LEMD3: variants seen among roughly 807,000 people sequenced by gnomAD.
LEMD3 encodes the protein LEM domain containing 3, also known as inner nuclear membrane protein Man1.
A neutral mutation model predicts 95.2 loss-of-function variants in LEMD3; 33 were observed. The ratio of observed to expected loss-of-function variants is 0.35; its 90% CI spans 0.26 to 0.46. The LOEUF (loss-of-function observed/expected upper bound fraction) is 0.46, where lower values mean the gene tolerates loss of function less well. Among genes scored for constraint, LEMD3 ranks in the 20% least tolerant of loss-of-function variants. The probability of loss-of-function intolerance (pLI) is 1.00; values close to 1 mark genes in which losing one functional copy is unlikely to be tolerated. For synonymous variants in LEMD3, 525 were observed against 474.6 expected, an observed-to-expected ratio of 1.11 and a Z score of -1.38; for missense variants, 1,210 against 1,192.8, an observed-to-expected ratio of 1.01 and a Z score of -0.21.
At chr12:65,191,272 A>G (rs1869231076) in intron 1 of LEMD3, among the ~76,000 whole-genome samples, 1 of 152,164 alleles carries the variant, frequency 6.6e-6, no homozygotes, top group Non-Finnish European at 1.5e-5. Context: ...AGTAAAAATT[A>G]TCTCTGGATG....
Position 65,248,174 on chromosome 12 carries a change from C to A in LEMD3, c.*1849C>A, listed in dbSNP as rs1416165600. 19 of 152,272 alleles carry A rather than the reference C, an allele frequency of 1.2e-4. No individual in the cohort carries two copies. The Admixed American group carries it at 1.2e-3, about 10-fold the overall frequency. 9.4% of individuals were successfully genotyped at this position (152,272 alleles called of 1,614,324 possible). A position where few individuals can be genotyped will look rare whatever the true frequency, so the allele number is the denominator to read the frequency against. On this transcript the variant is annotated 3_prime_UTR_variant, in exon 13 of 13. Transcript: ENST00000308330. ...TATACTATTATGCAGCTTATTTTAC[C>A]TGAAACTGTTAAGCCGACCAAGATC... is the stretch of plus-strand genomic sequence containing the variant.
At chr12:65,193,578 C>T (rs944907964) in intron 1 of LEMD3, among the ~76,000 whole-genome samples, 1 of 152,134 alleles carries the variant, frequency 6.6e-6, no homozygotes, top group Non-Finnish European at 1.5e-5. Flanking sequence ...ACTCGCCCGA[C>T]TCCTGACATC....
chr12:65,216,662 G>T (rs944656076), intron 3 of LEMD3, among the ~76,000 whole-genome samples: 19 of 151,348 alleles, frequency 1.3e-4, no homozygotes, highest in Admixed American at 1.1e-3. Flanking sequence ...TCTGAAAGAA[G>T]AGACTTGGAT....
intron 1 of LEMD3, among the ~76,000 whole-genome samples, chr12:65,186,873 AAAAC>A (rs1276898687): frequency 6.6e-6 from 1 of 152,036 alleles, no homozygotes; most frequent in Non-Finnish European, 1.5e-5. Flanking sequence ...TTTGGGGAAA[AAAAC>A]AACTTAAAGT....
At chr12:65,223,111 C>G (rs1189788672) in intron 4 of LEMD3, among the ~76,000 whole-genome samples, 1 of 151,874 alleles carries the variant, frequency 6.6e-6, no homozygotes, top group Non-Finnish European at 1.5e-5. Context: ...GTATTCTACT[C>G]CTGTTGGGTG....
At chr12:65,216,598 G>A (rs1565791870) in intron 3 of LEMD3, among the ~76,000 whole-genome samples, 3 of 151,584 alleles carry the variant, frequency 2.0e-5, no homozygotes, top group African/African-American at 7.3e-5. Context: ...GTAAACTGCA[G>A]TAGCAGCTTA....
In LEMD3 at chr12:65,198,488, A is replaced by G. The variant is rs527780450; in HGVS notation, c.1523-12438A>G. On this transcript the variant is annotated intron_variant, in intron 1 of 12. Coordinates refer to ENST00000308330, the MANE Select transcript of LEMD3 (RefSeq NM_014319.5). ...AAACTTCTAAGAGTTAGGTTGCTCA[A>G]ACTTTTCTACCTTGAGCAATATAGT... Among the ~76,000 whole-genome samples, 14 of 152,270 alleles carry G rather than the reference A, an allele frequency of 9.2e-5. No homozygotes were observed. In the South Asian group the frequency reaches 1.2e-3, roughly 14 times the overall value.
Position 65,207,788 on chromosome 12 carries a change from A to G in LEMD3, c.1523-3138A>G, listed in dbSNP as rs539310335. On this transcript the variant is annotated intron_variant, in intron 1 of 12. Transcript: ENST00000308330. ...CTTAGGACTCTTAAACTAGCAAAGCATATACTTTGAAGTTTATAAACGTAT... is the reference window on the plus strand; with the variant it reads ...CTTAGGACTCTTAAACTAGCAAAGCGTATACTTTGAAGTTTATAAACGTAT... 1.6e-4 allele frequency among the ~76,000 whole-genome samples: 24 copies of G among 152,278 alleles called. No homozygotes were observed. The South Asian group carries it at 5.0e-3, about 32-fold the overall frequency.
At chr12:65,227,315 CCTCTGAGATTTGAT>C (rs1870481062) in intron 4 of LEMD3, among the ~76,000 whole-genome samples, 1 of 152,148 alleles carries the variant, frequency 6.6e-6, no homozygotes, top group Non-Finnish European at 1.5e-5. Flanking sequence ...GGTAGTTAAA[CCTCTGAGATTTGAT>C]CTCTGAGAGG....
In LEMD3 at chr12:65,240,889, C is replaced by T; in HGVS notation, c.2127-20C>T. 6.2e-7 allele frequency: 1 copy of T among 1,610,762 alleles called. No individual in the cohort carries two copies. Among genetic ancestry groups the T allele is most frequent in the Non-Finnish European group, 8.5e-7 (1 of 1,177,128 alleles). On this transcript the variant is annotated intron_variant, in intron 8 of 12. Coordinates refer to ENST00000308330, the MANE Select transcript of LEMD3 (RefSeq NM_014319.5). ...ACAAGCCAAGATGATAGTAAATTTG[C>T]CATTTTGTTCACATGATAGGAAAAA... is the stretch of plus-strand genomic sequence containing the variant.
At position 65,238,467 on chromosome 12, in the gene LEMD3, TAAG is replaced by T. The variant is rs754806492; in HGVS notation, c.1696-32_1696-30del. The stretch of plus-strand genomic sequence containing the variant: ...ACTTTACAGAGAGTCGAATGTAGAT[TAAG>T]AATAGTTATTTTTCTCTATTTTTCT... On this transcript the variant is annotated intron_variant, in intron 4 of 12. Coordinates refer to ENST00000308330, the MANE Select transcript of LEMD3 (RefSeq NM_014319.5). The T allele has an allele frequency of 4.5e-6, 6 of 1,327,734 alleles. No individual in the cohort carries two copies. The South Asian group carries it at 7.1e-5, about 16-fold the overall frequency. The allele number at this position is 1,327,734 out of a possible 1,614,324, so 82.2% of individuals were successfully genotyped here. A position where few individuals can be genotyped will look rare whatever the true frequency, so the allele number is the denominator to read the frequency against.
At chr12:65,182,074 G>A (rs1868923899) in intron 1 of LEMD3, among the ~76,000 whole-genome samples, 1 of 152,058 alleles carries the variant, frequency 6.6e-6, no homozygotes, top group South Asian at 2.1e-4. Context: ...GAGGGAATAA[G>A]GTTACAAGTG....
chr12:65,231,310 T>C (rs943273710), intron 4 of LEMD3, among the ~76,000 whole-genome samples: 6 of 152,174 alleles, frequency 3.9e-5, no homozygotes, highest in African/African-American at 9.7e-5. Context: ...AGGATTTTTT[T>C]CCCCCAAAAA....
chr12:65,188,456 G>C (rs1869134564), intron 1 of LEMD3, among the ~76,000 whole-genome samples: 1 of 152,160 alleles, frequency 6.6e-6, no homozygotes, highest in Admixed American at 6.5e-5. Flanking sequence ...TTTATAGGCT[G>C]AATGTGGAAG....
chr12:65,194,128 A>C (rs1180087922), intron 1 of LEMD3, among the ~76,000 whole-genome samples: 1 of 152,154 alleles, frequency 6.6e-6, no homozygotes, highest in Non-Finnish European at 1.5e-5. Context: ...TAAGTAATAC[A>C]GTCTTCCTTC....
Position 65,218,719 on chromosome 12 carries a change from G to A in LEMD3, c.1695+100G>A, listed in dbSNP as rs11610822. ...TATGTTTGATTATTTTAATTGTACT[G>A]TTAAAAGCTTGGGCCTGCTGTTTGG... On this transcript the variant is annotated intron_variant, in intron 4 of 12. Coordinates refer to ENST00000308330, the MANE Select transcript of LEMD3 (RefSeq NM_014319.5). 0.3 allele frequency: 195,813 copies of A among 658,154 alleles called. 29,773 individuals are homozygous for A. The highest frequency in any genetic ancestry group is 0.38 in the Admixed American group (16,112 of 41,884). 40.8% of individuals were successfully genotyped at this position (658,154 alleles called of 1,614,324 possible). A position where few individuals can be genotyped will look rare whatever the true frequency, so the allele number is the denominator to read the frequency against.
chr12:65,171,897 A>G (rs1363709453), intron 1 of LEMD3: 1 of 152,296 alleles, frequency 6.6e-6, no homozygotes, highest in Non-Finnish European at 1.5e-5. Context: ...GGAAATAAAG[A>G]TGAGTAATTG....
At chr12:65,171,285 C>G in intron 1 of LEMD3, 167 bp downstream of exon 1, 1 of 1,200,442 alleles carries the variant, frequency 8.3e-7, no homozygotes, top group Non-Finnish European at 1.2e-6. Context: ...ACACCATTAT[C>G]GAAATGATGT....
At chr12:65,225,325 T>TA (rs560060328) in intron 4 of LEMD3, among the ~76,000 whole-genome samples, 16 of 151,974 alleles carry the variant, frequency 1.1e-4, no homozygotes, top group African/African-American at 3.4e-4. Context: ...ACAACAGAAA[T>TA]AAAAAAAACA....
Sources: allele counts gnomAD v4.1 joint callset (sites outside exome capture counted in the v4.1 genomes callset), GRCh38; gene constraint gnomAD v4.1.1; transcripts MANE v1.5; gene names NCBI Gene and HGNC (gene_info 2026-07-23, HGNC 2026-07-21).